HSBP1L1: variants seen among roughly 807,000 people sequenced by gnomAD.
HSBP1L1 encodes heat shock factor-binding protein 1-like protein 1.
A neutral mutation model predicts 9.7 loss-of-function variants in HSBP1L1; 8 were observed. The observed-to-expected ratio is 0.82, with a 90% CI of 0.48 to 1.48. The LOEUF is 1.48. Ranked by LOEUF, HSBP1L1 falls within the 40% of genes most tolerant of loss-of-function variation. The pLI, the probability that HSBP1L1 is intolerant of heterozygous loss-of-function variation, is 0.00. For synonymous variants in HSBP1L1, 39 were observed against 34.4 expected (o/e 1.13, Z -0.46); for missense variants, 106 against 95.8 (o/e 1.11, Z -0.44).
intron 1 of HSBP1L1, among the ~76,000 whole-genome samples, chr18:79,966,153 G>T (rs140257949): frequency 6.7e-6 from 1 of 148,874 alleles, no homozygotes; most frequent in African/African-American, 2.4e-5. Flanking sequence ...GGATGGTCTC[G>T]ATCTCCTGAC....
intron 1 of HSBP1L1, among the ~76,000 whole-genome samples, chr18:79,965,155 A>G (rs983641923): frequency 5.9e-5 from 9 of 152,010 alleles, no homozygotes; most frequent in African/African-American, 1.7e-4. Flanking sequence ...TGGGGAAACA[A>G]CTGGGCCAAA....
At chr18:79,970,094 A>G (rs1408902381) in intron 3 of HSBP1L1, 2 of 243,400 alleles carry the variant, frequency 8.2e-6, no homozygotes, top group East Asian at 8.2e-5. Flanking sequence ...AGTGCCACAG[A>G]CGAGGCAAGG....
chr18:79,970,726 A>T lies in HSBP1L1; in HGVS notation c.*275A>T. The T allele has an allele frequency of 1.1e-5, 5 of 440,612 alleles. No individual in the cohort carries two copies. The South Asian group carries it at 1.9e-4, about 17-fold the overall frequency. 27.3% of individuals were successfully genotyped at this position (440,612 alleles called of 1,614,324 possible). On this transcript the variant is annotated 3_prime_UTR_variant, in exon 4 of 4. Coordinates refer to ENST00000451882, the MANE Select transcript of HSBP1L1 (RefSeq NM_001136180.2). ...AAGTTTCTGTTGTTTAAACCACCCA[A>T]TCTGAAGTATTTTGTTATGGCAGTC...
At chr18:79,969,385 AAG>A (rs1204884869) in intron 3 of HSBP1L1, among the ~76,000 whole-genome samples, 10 of 62,036 alleles carry the variant, frequency 1.6e-4, no homozygotes, top group Non-Finnish European at 3.1e-4. Context: ...GAAAGAAAGA[AAG>A]AAAGAAAAAA....
intron 1 of HSBP1L1, 70 bp downstream of exon 1, chr18:79,964,856 T>G (rs1293435731): frequency 9.2e-5 from 11 of 119,710 alleles, no homozygotes; most frequent in East Asian, 5.6e-4. Context: ...GGTTTTGAGG[T>G]CCTGGGGGGG....
rs996005596 is a variant in HSBP1L1, at chr18:79,970,531, T to G, written c.*80T>G. 9.8e-6 allele frequency: 7 copies of G among 716,366 alleles called. No individual in the cohort carries two copies. The highest frequency in any genetic ancestry group is 8.7e-5 in the African/African-American group (5 of 57,172). 44.4% of individuals were successfully genotyped at this position (716,366 alleles called of 1,614,324 possible). On this transcript the variant is annotated 3_prime_UTR_variant, in exon 4 of 4. Transcript: ENST00000451882. ...ATCGGTCCTGAGGGTGGGGCCCTCA[T>G]CCAACAGGATTCGTCTTTCTGAGAA...
chr18:79,964,967 T>C (rs1313035960), intron 1 of HSBP1L1, among the ~76,000 whole-genome samples, 181 bp downstream of exon 1: 2 of 117,214 alleles, frequency 1.7e-5, no homozygotes, highest in African/African-American at 6.7e-5. Flanking sequence ...GAGTCCTGAG[T>C]GCCTGGGAGG....
chr18:79,968,756 G>A (rs2051270097), intron 3 of HSBP1L1, among the ~76,000 whole-genome samples: 1 of 152,026 alleles, frequency 6.6e-6, no homozygotes, highest in South Asian at 2.1e-4. Context: ...GGGCATCTGA[G>A]GCCACCCAGT....
At position 79,968,172 on chromosome 18, in the gene HSBP1L1, A is replaced by G; in HGVS notation, c.202A>G (p.Lys68Glu). Reference protein sequence around the residue: ...MVQAGIENSIKEQMLKT With the variant: ...MVQAGIENSIEEQMLKT The stretch of plus-strand genomic sequence containing the variant: ...GCAAGCTGGCATTGAAAATTCTATT[A>G]AAGAACAAATGGTAAGGTTATTAGC... The change falls in exon 3 of 4, where the codon AAA becomes GAA. Residue 68 changes from lysine (K) to glutamate (E), a missense_variant. Physicochemically the swap from Lys to Glu is moderately conservative, Grantham distance 56. Coordinates refer to ENST00000451882, the MANE Select transcript of HSBP1L1 (RefSeq NM_001136180.2). 4.5e-6 allele frequency: 7 copies of G among 1,539,028 alleles called. No individual in the cohort carries two copies. The highest frequency in any genetic ancestry group is 6.2e-6 in the Non-Finnish European group (7 of 1,136,608).
intron 2 of HSBP1L1, chr18:79,966,965 A>G (rs573459645): frequency 9.1e-4 from 226 of 247,250 alleles, no homozygotes; most frequent in Middle Eastern, 7.2e-3. Context: ...TGGCTAACAC[A>G]GTGAAACCCC....
chr18:79,968,992 T>A (rs2051271530), intron 3 of HSBP1L1, among the ~76,000 whole-genome samples: 1 of 134,638 alleles, frequency 7.4e-6, no homozygotes, highest in African/African-American at 2.8e-5. Context: ...GACCATCCTG[T>A]GAATGGTGAA....
intron 3 of HSBP1L1, among the ~76,000 whole-genome samples, chr18:79,969,377 A>AAG (rs1191093682): frequency 1.7e-4 from 9 of 53,872 alleles, no homozygotes; most frequent in Admixed American, 2.3e-4. Flanking sequence ...GAAAGAAAGA[A>AAG]AGAAAGAAAG....
chr18:79,964,910 T>G, intron 1 of HSBP1L1, 124 bp downstream of exon 1: 1 of 361,466 alleles, frequency 2.8e-6, no homozygotes, highest in Non-Finnish European at 4.5e-6. Context: ...CGTGGGGCCC[T>G]GAGGTCCTGG....
Position 79,966,680 on chromosome 18 carries a change from T to TA in HSBP1L1, c.118+3dup, listed in dbSNP as rs1568355612. 6.5e-7 allele frequency: 1 copy of TA among 1,537,872 alleles called. No individual in the cohort carries two copies. Among genetic ancestry groups the TA allele is most frequent in the Non-Finnish European group, 8.8e-7 (1 of 1,134,862 alleles). ...TGACGGCAACATTAAACCTCAGAAA[T>TA]ATCCTTTTCTACCTTTAACAAATGC... is the stretch of plus-strand genomic sequence containing the variant. On this transcript the variant is annotated splice_region_variant and intron_variant, in intron 2 of 3. Transcript: ENST00000451882.
In HSBP1L1 at chr18:79,968,178, C is replaced by T; in HGVS notation, c.208C>T (p.Gln70Ter). Reference protein sequence around the residue: ...QAGIENSIKEQMLKT With the variant: ...QAGIENSIKE ...TGGCATTGAAAATTCTATTAAAGAACAAATGGTAAGGTTATTAGCAAACTA... is the reference window on the plus strand; with the variant it reads ...TGGCATTGAAAATTCTATTAAAGAATAAATGGTAAGGTTATTAGCAAACTA... The change falls in exon 3 of 4, where the codon CAA (glutamine) becomes TAA (stop). Residue 70 changes from glutamine (Q) to a stop codon, truncating the protein, a stop_gained. Coordinates refer to ENST00000451882, the MANE Select transcript of HSBP1L1 (RefSeq NM_001136180.2). LOFTEE classifies it high-confidence loss of function. The T allele has an allele frequency of 6.5e-7, 1 of 1,530,532 alleles. No individual in the cohort carries two copies. The highest frequency in any genetic ancestry group is 8.9e-7 in the Non-Finnish European group (1 of 1,129,196). The allele number at this position is 1,530,532 out of a possible 1,614,324, so 94.8% of individuals were successfully genotyped here. A position where few individuals can be genotyped will look rare whatever the true frequency, so the allele number is the denominator to read the frequency against.
chr18:79,969,767 A>G (rs2145038632), intron 3 of HSBP1L1, among the ~76,000 whole-genome samples: 1 of 152,184 alleles, frequency 6.6e-6, no homozygotes, highest in East Asian at 1.9e-4. Flanking sequence ...TTTTTTGTTC[A>G]GTACTGAGAT....
rs1429344772 is a variant in HSBP1L1 at position 79,969,214 on chromosome 18, AAGAAAGAAAGAGGAGAG to A, written c.213+1035_213+1051del. On this transcript the variant is annotated intron_variant, in intron 3 of 3. Coordinates refer to ENST00000451882, the MANE Select transcript of HSBP1L1 (RefSeq NM_001136180.2). ...AGAAAAGAAAGGAAAGAAAGAAAGA[AAGAAAGAAAGAGGAGAG>A]AGAGGAGAGAGAGGAGAGGAGAGAG... 6.5e-4 allele frequency among the ~76,000 whole-genome samples: 76 copies of A among 117,548 alleles called. 5 individuals carry two copies. The highest frequency in any genetic ancestry group is 1.5e-3 in the Admixed American group (16 of 10,810). 77.1% of individuals were successfully genotyped at this position (117,548 alleles called of 152,430 possible).
Position 79,969,361 on chromosome 18 carries a change from A to AAG in HSBP1L1, c.214-1077_214-1076dup, listed in dbSNP as rs1442996966. On this transcript the variant is annotated intron_variant, in intron 3 of 3. Coordinates refer to ENST00000451882, the MANE Select transcript of HSBP1L1 (RefSeq NM_001136180.2). ...AAAGAAAGAAAGAAAGAAAGAAAGA[A>AAG]AGAAAGAAAGAAAGAAAGAAAGAAA... Among the ~76,000 whole-genome samples the AAG allele has an allele frequency of 4.2e-5, 2 of 48,190 alleles. 1 individual carries two copies. Among genetic ancestry groups the AAG allele is most frequent in the South Asian group, 2.5e-3 (2 of 812 alleles). The allele number at this position is 48,190 out of a possible 152,430, so 31.6% of individuals were successfully genotyped here.
chr18:79,965,965 T>C (rs1174788069), intron 1 of HSBP1L1, among the ~76,000 whole-genome samples: 1 of 152,190 alleles, frequency 6.6e-6, no homozygotes, highest in Non-Finnish European at 1.5e-5. Flanking sequence ...GGAGTGTCAC[T>C]CTGTCGCCCA....
Sources: gnomAD v4.1 joint callset for allele counts (sites outside exome capture counted in the v4.1 genomes callset) on GRCh38, gnomAD v4.1.1 for gene constraint, MANE v1.5 for transcripts, NCBI Gene and HGNC (gene_info 2026-07-23, HGNC 2026-07-21) for gene names.